The following IGF2R variants were observed in gnomAD, a reference collection of about 807,000 sequenced individuals.
The protein encoded by IGF2R is insulin like growth factor 2 receptor.
A neutral mutation model predicts 270.6 loss-of-function variants in IGF2R; 91 were observed. The ratio of observed to expected loss-of-function variants is 0.34; its 90% CI spans 0.28 to 0.40. The LOEUF (loss-of-function observed/expected upper bound fraction) is 0.40, where lower values mean the gene tolerates loss of function less well. Among genes scored for constraint, IGF2R ranks in the 10% least tolerant of loss-of-function variants. The pLI is 1.00. For missense variants in IGF2R, 2,805 were observed against 3,188.3 expected (o/e 0.88, Z 2.90); for synonymous variants, 1,316 against 1,258.9 (o/e 1.05, Z -0.96).
Position 160,102,658 on chromosome 6 carries a change from A to C in IGF2R, c.6982A>C (p.Lys2328Gln). Residue 2328 changes from lysine (K) to glutamine (Q), a missense_variant, in exon 46 of 48, where the codon AAG becomes CAG. Lys to Gln is a moderately conservative substitution (Grantham distance 53). Coordinates refer to ENST00000356956, the MANE Select transcript of IGF2R (RefSeq NM_000876.4). This position sits in a 1 kb window ranked among gnomAD's most constrained non-coding sequence, Gnocchi z 4.5. ...CTGCCTGCTGGCCCTGTTGCTCTACAAGAAGGAGAGGAGGTAAGCGGGTGG... is the reference window on the plus strand; with the variant it reads ...CTGCCTGCTGGCCCTGTTGCTCTACCAGAAGGAGAGGAGGTAAGCGGGTGG... ...TCCLLALLLY[K>Q]KERRETVISK... The C allele has an allele frequency of 3.1e-6, 5 of 1,606,176 alleles. No individual in the cohort carries two copies. The highest frequency in any genetic ancestry group is 4.3e-6 in the Non-Finnish European group (5 of 1,175,524).
At position 160,096,556 on chromosome 6, in the gene IGF2R, A is replaced by G; in HGVS notation, c.6773A>G (p.Glu2258Gly). The G allele has an allele frequency of 6.2e-7, 1 of 1,614,112 alleles. No individual in the cohort carries two copies. Among genetic ancestry groups the G allele is most frequent in the Non-Finnish European group, 8.5e-7 (1 of 1,180,020 alleles). The change falls in exon 45 of 48, where the codon GAG becomes GGG. Residue 2258 changes from glutamate to glycine, a missense_variant. Coordinates refer to ENST00000356956, the MANE Select transcript of IGF2R (RefSeq NM_000876.4). ...CDPLVEDGIP[E>G]FSHETADCQY... ...CCTCTGGTGGAGGACGGGATCCCCG[A>G]GTTCAGTCACGAGACTGCCGACTGC...
chr6:160,066,012 G>GT (rs561582188), intron 29 of IGF2R, among the ~76,000 whole-genome samples: 2,141 of 118,346 alleles, frequency 0.018, 29 homozygotes, highest in African/African-American at 0.026. Flanking sequence ...TTTTTGTGGT[G>GT]TTTTTTTTTT....
At position 160,110,981 on chromosome 6, in the gene IGF2R, T is replaced by A. The variant is rs533969726; in HGVS notation, c.*5897T>A. On this transcript the variant is annotated 3_prime_UTR_variant, in exon 48 of 48. Transcript: ENST00000356956. ...GGTTCAGCTATGCAACATGAATGAA[T>A]TCTGGAGATCCACTGTGCAGCATGG... 3 of 152,344 alleles carry A rather than the reference T, an allele frequency of 2.0e-5. No individual in the cohort carries two copies. In the East Asian group the frequency reaches 5.8e-4, roughly 29 times the overall value. 9.4% of individuals were successfully genotyped at this position (152,344 alleles called of 1,614,324 possible).
intron 1 of IGF2R, among the ~76,000 whole-genome samples, chr6:159,982,302 G>A (rs1783818348): frequency 6.6e-6 from 1 of 152,170 alleles, no homozygotes; most frequent in Non-Finnish European, 1.5e-5. Context: ...GGATATGTAT[G>A]AGCTGAAACA....
intron 1 of IGF2R, among the ~76,000 whole-genome samples, chr6:159,985,305 A>C (rs1183041053): frequency 6.6e-6 from 1 of 152,190 alleles, no homozygotes; most frequent in Non-Finnish European, 1.5e-5. Context: ...CCGTTTACCT[A>C]ATTGGTTAAG....
At chr6:160,104,365 G>A (rs1039276831) in intron 47 of IGF2R, among the ~76,000 whole-genome samples, 2 of 151,932 alleles carry the variant, frequency 1.3e-5, no homozygotes, top group African/African-American at 2.4e-5. Context: ...TCACTGGTCT[G>A]CTTTTCGGTC....
At chr6:160,072,422 C>T (rs1778762097) in intron 32 of IGF2R, among the ~76,000 whole-genome samples, 1 of 152,196 alleles carries the variant, frequency 6.6e-6, no homozygotes. Context: ...TGCCCTTGTG[C>T]TGGGCACCCA....
intron 45 of IGF2R, 122 bp downstream of exon 45, chr6:160,096,747 A>G (rs1362179573): frequency 6.4e-6 from 5 of 786,074 alleles, no homozygotes; most frequent in Non-Finnish European, 9.8e-6. Context: ...CAAAAAATAG[A>G]GAAAATGATA....
At position 160,061,898 on chromosome 6, in the gene IGF2R, C is replaced by T. The variant is rs17847641; in HGVS notation, c.3552C>T (p.Thr1184=). 35 of 1,614,128 alleles carry T rather than the reference C, an allele frequency of 2.2e-5. No individual in the cohort carries two copies. In the East Asian group the frequency reaches 7.4e-4, roughly 34 times the overall value. ...GDKCGNQRFS[T]RITFECAQIS... is the part of the protein sequence containing the mutation. Reference sequence around the variant, plus strand: ...AGTGTGGGAACCAGCGCTTCTCCACCAGGATCACGTTTGAGTGTGCTCAGA... The same window carrying T: ...AGTGTGGGAACCAGCGCTTCTCCACTAGGATCACGTTTGAGTGTGCTCAGA... The change falls in exon 25 of 48, where the codon ACC becomes ACT. Residue 1184 remains threonine (T), a synonymous_variant. Coordinates refer to ENST00000356956, the MANE Select transcript of IGF2R (RefSeq NM_000876.4).
intron 2 of IGF2R, chr6:160,003,737 T>C (rs1399325201): frequency 6.6e-6 from 1 of 152,176 alleles, no homozygotes; most frequent in East Asian, 1.9e-4. Flanking sequence ...CTTTTTTTCA[T>C]GGAGCTTACA....
In IGF2R at chr6:160,050,457, A is replaced by G. The variant is rs1217251622; in HGVS notation, c.2515-16A>G. 9.4e-6 allele frequency: 15 copies of G among 1,600,316 alleles called. No homozygotes were observed. Among genetic ancestry groups the G allele is most frequent in the Non-Finnish European group, 1.2e-5 (14 of 1,169,040 alleles). ...TCTTCAGGGGGAAAAGCCTAACAAGACTGGTTTTCTTGCAGGGCTCCTTCA... is the reference window on the plus strand; with the variant it reads ...TCTTCAGGGGGAAAAGCCTAACAAGGCTGGTTTTCTTGCAGGGCTCCTTCA... On this transcript the variant is annotated splice_polypyrimidine_tract_variant and intron_variant, in intron 18 of 47. Coordinates refer to ENST00000356956, the MANE Select transcript of IGF2R (RefSeq NM_000876.4). The surrounding 1 kb of genome is among the most constrained non-coding windows in gnomAD (Gnocchi z 4.0).
rs745720938 is a variant in IGF2R at position 160,096,275 on chromosome 6, G to A, written c.6656-164G>A. 1.3e-5 allele frequency: 8 copies of A among 599,422 alleles called. 1 individual carries two copies. The highest frequency in any genetic ancestry group is 6.9e-5 in the South Asian group (3 of 43,352). The allele number at this position is 599,422 out of a possible 1,614,324, so 37.1% of individuals were successfully genotyped here. A position where few individuals can be genotyped will look rare whatever the true frequency, so the allele number is the denominator to read the frequency against. On this transcript the variant is annotated intron_variant, in intron 44 of 47. Transcript: ENST00000356956. ...GGGCAGGGCTCTATCCATGTGCATC[G>A]AGTGGCCTCGTAAGCTGTGAACAGA...
At chr6:160,019,352 C>G (rs1367952657) in intron 4 of IGF2R, among the ~76,000 whole-genome samples, 1 of 152,094 alleles carries the variant, frequency 6.6e-6, no homozygotes, top group Non-Finnish European at 1.5e-5. Flanking sequence ...AAAAAAAGCT[C>G]AGGACCAGAC....
At chr6:159,995,044 GTC>G (rs1427737619) in intron 2 of IGF2R, among the ~76,000 whole-genome samples, 5 of 152,094 alleles carry the variant, frequency 3.3e-5, no homozygotes, top group Admixed American at 6.5e-5. Context: ...AGGTGTTGAA[GTC>G]TCTCATTATT....
rs536398523 is a variant in IGF2R at position 160,093,017 on chromosome 6, C to T, written c.6655+2914C>T. ...CATAACTCACAGAGCTCCCTGGAAG[C>T]AGTTACACTTATAGTTATGATTTAC... On this transcript the variant is annotated intron_variant, in intron 44 of 47. Transcript: ENST00000356956. 2.6e-5 allele frequency: 4 copies of T among 152,472 alleles called. No homozygotes were observed. In the East Asian group the frequency reaches 7.7e-4, roughly 29 times the overall value. 9.4% of individuals were successfully genotyped at this position (152,472 alleles called of 1,614,324 possible).
intron 1 of IGF2R, among the ~76,000 whole-genome samples, chr6:159,982,039 T>G (rs1783813898): frequency 6.6e-6 from 1 of 152,242 alleles, no homozygotes; most frequent in African/African-American, 2.4e-5. Flanking sequence ...ATATAAGCTC[T>G]GGCCATGCTG....
At chr6:160,000,580 TTTTC>T (rs1388416638) in intron 2 of IGF2R, among the ~76,000 whole-genome samples, 17 of 152,070 alleles carry the variant, frequency 1.1e-4, no homozygotes, top group African/African-American at 4.1e-4. Context: ...GAGATCTCAT[TTTTC>T]TTTGAGAAGT....
At chr6:160,073,559 A>T in intron 34 of IGF2R, 90 bp downstream of exon 34, 5 of 1,462,052 alleles carry the variant, frequency 3.4e-6, no homozygotes, top group Non-Finnish European at 4.7e-6. Context: ...CCACTAGTAG[A>T]TGCCCAGCTG....
chr6:160,044,707 C>G, intron 13 of IGF2R, 50 bp downstream of exon 13: 2 of 1,443,608 alleles, frequency 1.4e-6, no homozygotes, highest in Non-Finnish European at 1.9e-6. Context: ...GCCAGAGGTC[C>G]TGCATTCTTC....
Sources: gnomAD v4.1 joint callset for allele counts (sites outside exome capture counted in the v4.1 genomes callset) on GRCh38, gnomAD v4.1.1 for gene constraint, Gnocchi (gnomAD v3.1) non-coding constraint, MANE v1.5 for transcripts, NCBI Gene and HGNC (gene_info 2026-07-23, HGNC 2026-07-21) for gene names.